The following MACROD2 variants were observed in gnomAD, a reference collection of about 807,000 sequenced individuals.
MACROD2 encodes the protein ADP-ribose glycohydrolase MACROD2.
A neutral mutation model predicts 70.4 loss-of-function variants in MACROD2; 36 were observed. The observed-to-expected ratio is 0.51, with a 90% CI of 0.39 to 0.68. The LOEUF (loss-of-function observed/expected upper bound fraction) is 0.68. MACROD2 is among the 30% of genes least tolerant of loss of function. The probability of loss-of-function intolerance (pLI) is 0.00; values close to 1 mark genes in which losing one functional copy is unlikely to be tolerated. For synonymous variants in MACROD2, 172 were observed against 178.8 expected (o/e 0.96, Z 0.30); for missense variants, 496 against 538.4 (o/e 0.92, Z 0.78).
intron 7 of MACROD2, among the ~76,000 whole-genome samples, chr20:15,497,955 ATAAAT>A (rs1472386071): frequency 6.6e-6 from 1 of 152,214 alleles, no homozygotes; most frequent in Non-Finnish European, 1.5e-5. Flanking sequence ...TACTTTTTAA[ATAAAT>A]TAACTGACAA....
intron 4 of MACROD2, among the ~76,000 whole-genome samples, chr20:14,563,774 A>G (rs1030248042): frequency 2.6e-5 from 4 of 152,056 alleles, no homozygotes; most frequent in Admixed American, 2.0e-4. Context: ...CTGCCAGGTT[A>G]TTAACATTGA....
chr20:14,056,558 T>G (rs1258126231), intron 2 of MACROD2, among the ~76,000 whole-genome samples: 3 of 152,064 alleles, frequency 2.0e-5, no homozygotes, highest in Non-Finnish European at 2.9e-5. Context: ...TTTTCTAGAT[T>G]TTCAATAAAA....
intron 3 of MACROD2, among the ~76,000 whole-genome samples, chr20:14,301,912 T>C (rs2082478282): frequency 6.6e-6 from 1 of 152,214 alleles, no homozygotes; most frequent in African/African-American, 2.4e-5. Flanking sequence ...CTGTGAAATC[T>C]GTAAGTTCTC....
At chr20:15,175,290 A>T (rs1229864044) in intron 5 of MACROD2, among the ~76,000 whole-genome samples, 6 of 64,842 alleles carry the variant, frequency 9.3e-5, no homozygotes, top group African/African-American at 3.9e-4. Flanking sequence ...GGGTGGGGGG[A>T]GGGGGGAGGG....
intron 5 of MACROD2, among the ~76,000 whole-genome samples, chr20:14,822,644 T>A (rs932263585): frequency 2.6e-5 from 4 of 152,250 alleles, no homozygotes; most frequent in African/African-American, 9.6e-5. Flanking sequence ...GAAAATATAA[T>A]CTTTCACCAT....
rs527889508 is a variant in MACROD2 at position 14,314,598 on chromosome 20, T to C, written c.272-178881T>C. On this transcript the variant is annotated intron_variant, in intron 3 of 17. Coordinates refer to ENST00000684519, the MANE Select transcript of MACROD2 (RefSeq NM_001351661.2). ...CAACATGGAGAAACCCCATCTCTAC[T>C]AAAAATACAAAAATAGCTGGGCAAG... Among the ~76,000 whole-genome samples, 3 of 152,130 alleles carry C rather than the reference T, an allele frequency of 2.0e-5. No homozygotes were observed. In the East Asian group the frequency reaches 5.8e-4, roughly 29 times the overall value.
chr20:15,149,043 C>G (rs976719977), intron 5 of MACROD2, among the ~76,000 whole-genome samples: 1 of 151,986 alleles, frequency 6.6e-6, no homozygotes, highest in Admixed American at 6.5e-5. Context: ...GTAGGAAAGG[C>G]CTCTACCTAT....
intron 8 of MACROD2, among the ~76,000 whole-genome samples, chr20:15,796,853 A>C (rs915837120): frequency 1.3e-5 from 2 of 152,190 alleles, no homozygotes; most frequent in Non-Finnish European, 2.9e-5. Context: ...CTTCAAGGCC[A>C]AGTTTGCTTT....
chr20:14,087,453 A>G (rs1260129752), intron 3 of MACROD2, among the ~76,000 whole-genome samples: 2 of 151,156 alleles, frequency 1.3e-5, no homozygotes, highest in Admixed American at 1.3e-4. Context: ...GCTTTGCTGT[A>G]ATCAAGGCTC....
chr20:15,695,071 G>A (rs1188396702), intron 8 of MACROD2, among the ~76,000 whole-genome samples: 1 of 152,130 alleles, frequency 6.6e-6, no homozygotes, highest in Non-Finnish European at 1.5e-5. Context: ...CGTTCCATTG[G>A]TCTATGTGCC....
intron 3 of MACROD2, among the ~76,000 whole-genome samples, chr20:14,286,189 A>G (rs143804066): frequency 1.5e-3 from 222 of 152,282 alleles, no homozygotes; most frequent in African/African-American, 5.2e-3. Context: ...AATAGTTTTA[A>G]AAATTGCATA....
At chr20:15,244,221 G>A (rs2146012445) in intron 6 of MACROD2, among the ~76,000 whole-genome samples, 1 of 152,066 alleles carries the variant, frequency 6.6e-6, no homozygotes, top group Admixed American at 6.5e-5. Flanking sequence ...TCCATGTTGG[G>A]GCTATTTACA....
At chr20:15,071,269 C>T (rs973153991) in intron 5 of MACROD2, among the ~76,000 whole-genome samples, 33 of 152,308 alleles carry the variant, frequency 2.2e-4, no homozygotes, top group African/African-American at 7.5e-4. Flanking sequence ...AAGAAGACAT[C>T]TGATTCCACT....
intron 3 of MACROD2, among the ~76,000 whole-genome samples, chr20:14,269,514 T>G (rs2082172693): frequency 6.6e-6 from 1 of 152,224 alleles, no homozygotes; most frequent in South Asian, 2.1e-4. Context: ...ATCTTGTTAT[T>G]CTTAGCAACA....
At chr20:15,010,859 C>T (rs1416886803) in intron 5 of MACROD2, among the ~76,000 whole-genome samples, 4 of 152,106 alleles carry the variant, frequency 2.6e-5, no homozygotes, top group Non-Finnish European at 5.9e-5. Context: ...AAAGTTCACA[C>T]CTAAGAGCAC....
chr20:15,380,019 C>T (rs1035251767), intron 6 of MACROD2, among the ~76,000 whole-genome samples: 9 of 151,796 alleles, frequency 5.9e-5, no homozygotes, highest in Non-Finnish European at 1.2e-4. Context: ...CCTCTTGGGT[C>T]CTGTTGTTCC....
At chr20:14,154,587 G>GT (rs1177558380) in intron 3 of MACROD2, among the ~76,000 whole-genome samples, 2 of 121,386 alleles carry the variant, frequency 1.6e-5, no homozygotes, top group Non-Finnish European at 3.5e-5. Flanking sequence ...TTTTTTTTTG[G>GT]ATTTTTAGTA....
intron 5 of MACROD2, among the ~76,000 whole-genome samples, chr20:14,717,288 A>C (rs1301888964): frequency 6.6e-6 from 1 of 152,208 alleles, no homozygotes; most frequent in Non-Finnish European, 1.5e-5. Flanking sequence ...TGCAGTCATC[A>C]GCAGGTTATA....
At chr20:15,331,616 T>C (rs2077993463) in intron 6 of MACROD2, among the ~76,000 whole-genome samples, 1 of 151,766 alleles carries the variant, frequency 6.6e-6, no homozygotes, top group East Asian at 1.9e-4. Flanking sequence ...CATATAAAAC[T>C]TTATTTGGTC....
Sources: allele counts gnomAD v4.1 joint callset (sites outside exome capture counted in the v4.1 genomes callset), GRCh38; gene constraint gnomAD v4.1.1; transcripts MANE v1.5; gene names NCBI Gene and HGNC (gene_info 2026-07-23, HGNC 2026-07-21).